SOX5: variants seen among roughly 807,000 people sequenced by gnomAD.
SOX5 encodes the protein transcription factor SOX-5.
Under a neutral mutation model 92.0 loss-of-function variants are expected in SOX5, and 9 were observed. That is an observed-to-expected ratio of 0.10 (90% CI 0.06 to 0.17). The LOEUF (loss-of-function observed/expected upper bound fraction) is 0.17. Among genes scored for constraint, SOX5 ranks in the 10% least tolerant of loss-of-function variants. The pLI, the probability that SOX5 is intolerant of heterozygous loss-of-function variation, is 1.00. For missense variants in SOX5, 642 were observed against 944.5 expected, an observed-to-expected ratio of 0.68 and a Z score of 4.20; for synonymous variants, 344 against 336.3, an observed-to-expected ratio of 1.02 and a Z score of -0.25.
chr12:24,211,748 T>C (rs912958103), intron 4 of SOX5, among the ~76,000 whole-genome samples: 3 of 152,178 alleles, frequency 2.0e-5, no homozygotes, highest in African/African-American at 7.2e-5. Flanking sequence ...GGAGAGTTAT[T>C]TAGACTTGTG....
At chr12:23,577,833 G>A (rs1241623576) in intron 9 of SOX5, among the ~76,000 whole-genome samples, 1 of 151,610 alleles carries the variant, frequency 6.6e-6, no homozygotes, top group Non-Finnish European at 1.5e-5. Flanking sequence ...AAAACTATAG[G>A]GGCAATGGCT....
intron 1 of SOX5, among the ~76,000 whole-genome samples, chr12:24,519,089 G>T (rs546235481): frequency 3.3e-5 from 5 of 152,166 alleles, no homozygotes; most frequent in African/African-American, 7.2e-5. Context: ...GAGAAATTGA[G>T]AACGGTATGG....
intron 4 of SOX5, among the ~76,000 whole-genome samples, chr12:24,154,323 C>T (rs755914017): frequency 9.2e-5 from 14 of 152,124 alleles, no homozygotes; most frequent in Non-Finnish European, 1.6e-4. Context: ...CTCAGCCCTG[C>T]CTAGAGCCCA....
chr12:24,247,645 CTTTT>C lies in SOX5; in HGVS notation c.-77+29567_-77+29570del, dbSNP rs11300258. Among the ~76,000 whole-genome samples, 460 of 75,590 alleles carry C rather than the reference CTTTT, an allele frequency of 6.1e-3. 6 individuals are homozygous for C. The highest frequency in any genetic ancestry group is 0.019 in the African/African-American group (410 of 21,902). 49.6% of individuals were successfully genotyped at this position (75,590 alleles called of 152,430 possible). ...CAATGATCCCTGATTTATTTATTTA[CTTTT>C]TTTTTTTTTTTTTTTTTTTGAGGCG... On this transcript the variant is annotated intron_variant, in intron 3 of 4. Coordinates refer to the SOX5 transcript ENST00000446891.
In SOX5 at chr12:24,194,385, G is replaced by GTATC. The variant is rs1279184553; in HGVS notation, c.-2+18954_-2+18957dup. Among the ~76,000 whole-genome samples the GTATC allele has an allele frequency of 7.9e-5, 12 of 152,110 alleles. No individual in the cohort carries two copies. In the East Asian group the frequency reaches 1.2e-3, roughly 15 times the overall value. On this transcript the variant is annotated intron_variant, in intron 4 of 4. Transcript: ENST00000446891. ...CCATACACACAACATGCAGGTGTCT[G>GTATC]TATCTATCTATCTATCTAGATAGGT...
At chr12:24,341,072 G>T (rs542856969) in intron 2 of SOX5, among the ~76,000 whole-genome samples, 1 of 152,210 alleles carries the variant, frequency 6.6e-6, no homozygotes, top group Non-Finnish European at 1.5e-5. Context: ...TTATAAAAAT[G>T]TCATAGTACA....
intron 11 of SOX5, among the ~76,000 whole-genome samples, chr12:23,552,182 A>G (rs555274958): frequency 2.2e-4 from 34 of 152,034 alleles, no homozygotes; most frequent in Non-Finnish European, 4.3e-4. Flanking sequence ...GATTTTTATG[A>G]AGAGAGAAAT....
chr12:24,553,219 T>C (rs2138980387), intron 1 of SOX5, among the ~76,000 whole-genome samples: 1 of 152,200 alleles, frequency 6.6e-6, no homozygotes, highest in Non-Finnish European at 1.5e-5. Flanking sequence ...AGTGGCAGAA[T>C]CAAATAGACT....
chr12:23,754,630 T>A (rs1348969544), intron 4 of SOX5, among the ~76,000 whole-genome samples: 2 of 151,778 alleles, frequency 1.3e-5, no homozygotes, highest in African/African-American at 4.8e-5. Context: ...TTCCGGAAGT[T>A]TTTAGATATC....
chr12:24,520,839 G>T (rs1361035514), intron 1 of SOX5, among the ~76,000 whole-genome samples: 2 of 152,268 alleles, frequency 1.3e-5, no homozygotes, highest in South Asian at 4.1e-4. Flanking sequence ...AGCAGAGGTG[G>T]CTATACTTTA....
intron 2 of SOX5, among the ~76,000 whole-genome samples, chr12:24,281,020 A>G (rs1299931807): frequency 7.6e-6 from 1 of 131,796 alleles, no homozygotes; most frequent in Non-Finnish European, 1.7e-5. Flanking sequence ...AAAAAAAAAA[A>G]ACAAACCTAA....
intron 1 of SOX5, among the ~76,000 whole-genome samples, chr12:23,911,254 A>G (rs1207161882): frequency 6.6e-6 from 1 of 152,122 alleles, no homozygotes; most frequent in Non-Finnish European, 1.5e-5. Flanking sequence ...TAATCTATCC[A>G]ATACTTACAA....
At chr12:23,824,858 T>G (rs2096198645) in intron 3 of SOX5, among the ~76,000 whole-genome samples, 1 of 152,234 alleles carries the variant, frequency 6.6e-6, no homozygotes, top group African/African-American at 2.4e-5. Context: ...CTGCCCAGTC[T>G]GAATTTTCCG....
chr12:23,672,585 C>T (rs1038992143), intron 6 of SOX5, among the ~76,000 whole-genome samples: 2 of 152,154 alleles, frequency 1.3e-5, no homozygotes, highest in Non-Finnish European at 2.9e-5. Flanking sequence ...GCAATTTTCT[C>T]TCCAAACTAC....
At chr12:24,490,379 A>G (rs1043948088) in intron 1 of SOX5, among the ~76,000 whole-genome samples, 1 of 152,210 alleles carries the variant, frequency 6.6e-6, no homozygotes, top group African/African-American at 2.4e-5. Flanking sequence ...TAAAAAAGGA[A>G]ATAGATTGCT....
At chr12:23,598,387 C>CTTTTTTTTTTTTTTTTTTT (rs201719026) in intron 9 of SOX5, among the ~76,000 whole-genome samples, 1 of 95,128 alleles carries the variant, frequency 1.1e-5, no homozygotes, top group Admixed American at 1.3e-4. Flanking sequence ...TGTGCTTTAT[C>CTTTTTTTTTTTTTTTTTTT]TTTTTTTTTT....
At chr12:23,744,096 A>T (rs2093898950) in intron 4 of SOX5, among the ~76,000 whole-genome samples, 1 of 152,034 alleles carries the variant, frequency 6.6e-6, no homozygotes. Context: ...CCTAGACATG[A>T]TTTCATTCTA....
At chr12:23,806,865 C>T (rs535538200) in intron 3 of SOX5, among the ~76,000 whole-genome samples, 5 of 152,222 alleles carry the variant, frequency 3.3e-5, no homozygotes, top group Admixed American at 6.5e-5. Flanking sequence ...CATCTTTGGG[C>T]GATAAAATGA....
intron 9 of SOX5, among the ~76,000 whole-genome samples, chr12:23,597,259 T>C (rs537162200): frequency 1.2e-4 from 19 of 152,262 alleles, no homozygotes; most frequent in Non-Finnish European, 2.4e-4. Flanking sequence ...TAAATCATTC[T>C]GCATATTTTG....
Sources: allele counts gnomAD v4.1 joint callset (sites outside exome capture counted in the v4.1 genomes callset), GRCh38; gene constraint gnomAD v4.1.1; transcripts MANE v1.5; gene names NCBI Gene and HGNC (gene_info 2026-07-23, HGNC 2026-07-21).